The following ZFAT variants were observed in gnomAD, a reference collection of about 807,000 sequenced individuals.
ZFAT encodes zinc finger protein ZFAT.
Under a neutral mutation model 117.7 loss-of-function variants are expected in ZFAT, and 64 were observed. The observed-to-expected ratio is 0.54, with a 90% CI of 0.44 to 0.67. The LOEUF (loss-of-function observed/expected upper bound fraction) is 0.67, where lower values mean the gene tolerates loss of function less well. ZFAT is among the 30% of genes least tolerant of loss of function. The probability of loss-of-function intolerance (pLI) is 0.00; values close to 1 mark genes in which losing one functional copy is unlikely to be tolerated. For synonymous variants in ZFAT, 679 were observed against 615.0 expected (o/e 1.10, Z -1.54); for missense variants, 1,433 against 1,584.5 (o/e 0.90, Z 1.62).
chr8:134,550,332 A>AAAAAAAAAAAAAG (rs1823060634), intron 11 of ZFAT, among the ~76,000 whole-genome samples: 1 of 151,216 alleles, frequency 6.6e-6, no homozygotes, highest in Non-Finnish European at 1.5e-5. Flanking sequence ...AAAAAAAAAA[A>AAAAAAAAAAAAAG]CAGCACAGGG....
the ZFAT span, among the ~76,000 whole-genome samples, chr8:134,742,069 C>T: frequency 1.3e-5 from 2 of 152,090 alleles, no homozygotes; most frequent in Non-Finnish European, 2.9e-5. Flanking sequence ...CTCTGTCTTG[C>T]TATTTCCAAT....
At chr8:134,754,522 T>C in the ZFAT span, among the ~76,000 whole-genome samples, 1 of 152,224 alleles carries the variant, frequency 6.6e-6, no homozygotes, top group Admixed American at 6.5e-5. Context: ...GGACTGCCCC[T>C]TCCCAGCTAT....
chr8:134,584,508 T>C (rs79229005), intron 9 of ZFAT, among the ~76,000 whole-genome samples: 1,912 of 152,302 alleles, frequency 0.013, 33 homozygotes, highest in African/African-American at 0.044. Flanking sequence ...AAAAACTCAA[T>C]GGGATCAGGC....
chr8:134,521,890 C>T (rs1377449287), intron 12 of ZFAT, among the ~76,000 whole-genome samples: 1 of 152,210 alleles, frequency 6.6e-6, no homozygotes, highest in Non-Finnish European at 1.5e-5. Flanking sequence ...CCAACATCCC[C>T]AACACCACAG....
At chr8:134,492,031 G>GTT (rs138666169) in intron 15 of ZFAT, among the ~76,000 whole-genome samples, 29 of 145,132 alleles carry the variant, frequency 2.0e-4, no homozygotes, top group South Asian at 1.1e-3. Flanking sequence ...TTTGTTTTTT[G>GTT]TTTTTTTTTT....
At chr8:134,823,716 T>C in the ZFAT span, among the ~76,000 whole-genome samples, 3 of 152,328 alleles carry the variant, frequency 2.0e-5, no homozygotes, top group East Asian at 3.9e-4. Context: ...TGAAATATTA[T>C]CACAGGCAGC....
At chr8:134,791,890 CAG>C in the ZFAT span, 173 of 152,076 alleles carry the variant, frequency 1.1e-3, no homozygotes, top group African/African-American at 4.0e-3. Context: ...CAGCAAGACT[CAG>C]GGGTTAAAAA....
rs537267415 is a variant in ZFAT at position 134,561,939 on chromosome 8, G to A, written c.2976+3394C>T. ...TAAAAAAGTCCATGTCCTAATCCCC[G>A]GAACCCGTAAATATGTTACCTTGCA... On this transcript the variant is annotated intron_variant, in intron 11 of 15. Transcript: ENST00000377838. Among the ~76,000 whole-genome samples the A allele has an allele frequency of 5.2e-4, 79 of 152,212 alleles. 1 individual carries two copies. The Middle Eastern group carries it at 0.01, about 20-fold the overall frequency.
At chr8:134,647,494 T>C (rs1330917479) in intron 2 of ZFAT, among the ~76,000 whole-genome samples, 1 of 152,188 alleles carries the variant, frequency 6.6e-6, no homozygotes. Flanking sequence ...CTCTCACCAC[T>C]TATATGCTTC....
intron 11 of ZFAT, among the ~76,000 whole-genome samples, chr8:134,537,391 G>C (rs1821919077): frequency 6.6e-6 from 1 of 152,226 alleles, no homozygotes; most frequent in Admixed American, 6.5e-5. Flanking sequence ...GAGGGGCACA[G>C]GTTGGTATTC....
At chr8:134,514,111 C>T (rs1385737952) in intron 13 of ZFAT, among the ~76,000 whole-genome samples, 3 of 152,218 alleles carry the variant, frequency 2.0e-5, no homozygotes, top group Non-Finnish European at 2.9e-5. Flanking sequence ...AGGTGACACA[C>T]ACATTGCTGG....
chr8:134,614,510 G>A (rs781060032), intron 3 of ZFAT, among the ~76,000 whole-genome samples: 2 of 152,106 alleles, frequency 1.3e-5, no homozygotes, highest in Admixed American at 6.5e-5. Flanking sequence ...CCGAACCAAC[G>A]GTTGGACTTT....
intron 3 of ZFAT, among the ~76,000 whole-genome samples, chr8:134,633,383 G>A (rs536750323): frequency 5.6e-4 from 85 of 152,314 alleles, no homozygotes; most frequent in Middle Eastern, 6.8e-3. Context: ...AGTCATTTAA[G>A]ATAATGGCAT....
chr8:134,794,273 G>C, the ZFAT span: 1 of 152,192 alleles, frequency 6.6e-6, no homozygotes, highest in African/African-American at 2.4e-5. Flanking sequence ...TATAAGTACT[G>C]ATCTGAAAAG....
intron 11 of ZFAT, among the ~76,000 whole-genome samples, chr8:134,547,319 T>C (rs1259716659): frequency 6.6e-6 from 1 of 152,212 alleles, no homozygotes; most frequent in African/African-American, 2.4e-5. Context: ...TCTGCAACTT[T>C]TGCTTTTATA....
At chr8:134,589,642 T>C (rs970037507) in intron 8 of ZFAT, among the ~76,000 whole-genome samples, 15 of 152,172 alleles carry the variant, frequency 9.9e-5, no homozygotes, top group Non-Finnish European at 2.9e-5. Context: ...CAGTGCGCCC[T>C]GTGTGACGTT....
chr8:134,637,705 C>G lies in ZFAT; in HGVS notation c.204G>C (p.Leu68Phe). The G allele has an allele frequency of 6.2e-7, 1 of 1,613,458 alleles. No individual in the cohort carries two copies. Residue 68 changes from leucine (L) to phenylalanine (F), a missense_variant, in exon 3 of 16, where the codon TTG becomes TTC. Leu to Phe is a conservative substitution (Grantham distance 22, BLOSUM62 0). This residue lies in a region of ZFAT where 436 missense variants were observed against 482.0 expected (regional missense o/e 0.90). Transcript: ENST00000377838. Reference sequence around the variant, plus strand: ...GCCTGCCTCTCTTCCTCTTCATGACCAAAAACTCTACAGAGGAAACAAGAG... The same window carrying G: ...GCCTGCCTCTCTTCCTCTTCATGACGAAAAACTCTACAGAGGAAACAAGAG... The part of the protein sequence containing the change: ...PNSSKTGDEF[L>F]VMKRKRGRPK...
At chr8:134,773,241 T>C in the ZFAT span, among the ~76,000 whole-genome samples, 1 of 152,196 alleles carries the variant, frequency 6.6e-6, no homozygotes, top group African/African-American at 2.4e-5. Flanking sequence ...CTAAATCTAC[T>C]CTGTCTATGC....
At chr8:134,516,910 T>C (rs1820292575) in intron 13 of ZFAT, among the ~76,000 whole-genome samples, 1 of 152,150 alleles carries the variant, frequency 6.6e-6, no homozygotes, top group Admixed American at 6.5e-5. Context: ...GGTCTTAATT[T>C]ACCAATTTTC....
Sources: gnomAD v4.1 joint callset for allele counts (sites outside exome capture counted in the v4.1 genomes callset) on GRCh38, gnomAD v4.1.1 for gene constraint, gnomAD v4.1.1 regional missense constraint, MANE v1.5 for transcripts, NCBI Gene and HGNC (gene_info 2026-07-23, HGNC 2026-07-21) for gene names.